The following PCDH9 variants were observed in gnomAD, a reference collection of about 807,000 sequenced individuals.
The protein encoded by PCDH9 is protocadherin 9, also known as protocadherin-9.
Under a neutral mutation model 70.6 loss-of-function variants are expected in PCDH9, and 24 were observed. The observed-to-expected ratio is 0.34, with a 90% CI of 0.25 to 0.48. The LOEUF is 0.48. PCDH9 is among the 20% of genes least tolerant of loss of function. The pLI is 0.99. For synonymous variants in PCDH9, 562 were observed against 558.5 expected (o/e 1.01, Z -0.09); for missense variants, 1,281 against 1,503.6 (o/e 0.85, Z 2.45).
chr13:66,682,532 T>C (rs2078342623), intron 3 of PCDH9, among the ~76,000 whole-genome samples: 2 of 152,214 alleles, frequency 1.3e-5, no homozygotes, highest in Admixed American at 6.6e-5. Context: ...AGTTTCGGAG[T>C]TGAGTCCACC....
At chr13:66,660,994 C>G (rs892133792) in intron 3 of PCDH9, among the ~76,000 whole-genome samples, 1 of 151,862 alleles carries the variant, frequency 6.6e-6, no homozygotes, top group Non-Finnish European at 1.5e-5. Context: ...ATAAGGAATA[C>G]AGAGAGAAAA....
At chr13:66,885,792 T>C (rs2081995156) in intron 3 of PCDH9, among the ~76,000 whole-genome samples, 1 of 152,146 alleles carries the variant, frequency 6.6e-6, no homozygotes, top group Non-Finnish European at 1.5e-5. Flanking sequence ...CCACTGATAG[T>C]AAATGGAGAT....
chr13:67,157,502 A>C (rs575652564), intron 2 of PCDH9, among the ~76,000 whole-genome samples: 1 of 152,318 alleles, frequency 6.6e-6, no homozygotes, highest in East Asian at 1.9e-4. Flanking sequence ...ATTTTCTAAA[A>C]TTCTATGAGA....
chr13:67,181,806 C>G (rs919996005), intron 2 of PCDH9, among the ~76,000 whole-genome samples: 3 of 152,212 alleles, frequency 2.0e-5, no homozygotes, highest in Non-Finnish European at 4.4e-5. Flanking sequence ...TACAACCATT[C>G]TTCTCAAGAT....
chr13:67,111,603 A>G lies in PCDH9; in HGVS notation c.3036+113802T>C, dbSNP rs146088663. On this transcript the variant is annotated intron_variant, in intron 2 of 4. Transcript: ENST00000377865. ...TTCACTGTTACATTACTTATTTTTAATTAACCATTGTAAAATTGACTACTT... is the reference window on the plus strand; with the variant it reads ...TTCACTGTTACATTACTTATTTTTAGTTAACCATTGTAAAATTGACTACTT... Among the ~76,000 whole-genome samples, 1,330 of 152,328 alleles carry G rather than the reference A, an allele frequency of 8.7e-3. 10 individuals are homozygous for G. Among genetic ancestry groups the G allele is most frequent in the Non-Finnish European group, 0.014 (920 of 68,028 alleles).
rs112206837 is a variant in PCDH9, at chr13:66,901,910, T to C, written c.3138+1594A>G. Among the ~76,000 whole-genome samples, 22 of 151,812 alleles carry C rather than the reference T, an allele frequency of 1.4e-4. 2 individuals carry two copies. Among genetic ancestry groups the C allele is most frequent in the African/African-American group, 4.8e-4 (20 of 41,534 alleles). ...CAATAAACACAAACATAAAATGTTA[T>C]AAAAATAAATATAATTCTTAGAAAT... On this transcript the variant is annotated intron_variant, in intron 3 of 4. Coordinates refer to ENST00000377865, the MANE Select transcript of PCDH9 (RefSeq NM_203487.3).
In PCDH9 at chr13:67,226,154, A is replaced by G; in HGVS notation, c.2287T>C (p.Ser763Pro). The stretch of plus-strand genomic sequence containing the variant: ...AATACAAGCACAAGCGTGTGCAAAG[A>G]CTTAGGGTACCCCAGGTCACTTATG... ...VNISDLGYPKSLHTLVLVFLY... is the reference protein window; with the variant it reads ...VNISDLGYPKPLHTLVLVFLY... The change falls in exon 2 of 5, where the codon TCT becomes CCT. Residue 763 changes from serine to proline, a missense_variant. Physicochemically the swap from Ser to Pro is moderately conservative, Grantham distance 74. Transcript: ENST00000377865. This position sits in a 1 kb window ranked among gnomAD's most constrained non-coding sequence, Gnocchi z 5.0. The G allele has an allele frequency of 6.2e-7, 1 of 1,614,138 alleles. No homozygotes were observed. The highest frequency in any genetic ancestry group is 8.5e-7 in the Non-Finnish European group (1 of 1,180,022).
intron 2 of PCDH9, among the ~76,000 whole-genome samples, chr13:67,085,509 T>C (rs1354243367): frequency 1.3e-5 from 2 of 152,182 alleles, no homozygotes; most frequent in African/African-American, 4.8e-5. Context: ...ATAAGTAATG[T>C]TGACAAATAA....
At chr13:66,528,625 T>C (rs1215706850) in intron 4 of PCDH9, among the ~76,000 whole-genome samples, 1 of 152,112 alleles carries the variant, frequency 6.6e-6, no homozygotes, top group Non-Finnish European at 1.5e-5. Flanking sequence ...CGGAGTAACC[T>C]ATCCATGAAC....
At chr13:66,404,372 G>A (rs1369435324) in intron 4 of PCDH9, among the ~76,000 whole-genome samples, 2 of 152,126 alleles carry the variant, frequency 1.3e-5, no homozygotes, top group African/African-American at 4.8e-5. Flanking sequence ...TGAAAATATG[G>A]TTTTATTGCC....
At chr13:66,736,883 A>G (rs780322992) in intron 3 of PCDH9, among the ~76,000 whole-genome samples, 1 of 152,198 alleles carries the variant, frequency 6.6e-6, no homozygotes, top group South Asian at 2.1e-4. Flanking sequence ...TCTATCTTCC[A>G]GAGATCTTTC....
At chr13:66,894,940 T>C (rs1377148040) in intron 3 of PCDH9, among the ~76,000 whole-genome samples, 1 of 151,958 alleles carries the variant, frequency 6.6e-6, no homozygotes, top group Non-Finnish European at 1.5e-5. Flanking sequence ...CCCAAGTAGC[T>C]GGGATTACAG....
intron 4 of PCDH9, among the ~76,000 whole-genome samples, chr13:66,400,069 G>A (rs140092233): frequency 1.3e-5 from 2 of 152,200 alleles, no homozygotes; most frequent in Non-Finnish European, 2.9e-5. Context: ...CTCCATACTC[G>A]CTCACACTCT....
At chr13:66,393,317 G>GA (rs1039592809) in intron 4 of PCDH9, among the ~76,000 whole-genome samples, 4 of 152,088 alleles carry the variant, frequency 2.6e-5, no homozygotes, top group Non-Finnish European at 5.9e-5. Context: ...AGAATAGGTG[G>GA]AAAAAAAGAA....
chr13:66,488,131 T>A (rs961338769), intron 4 of PCDH9, among the ~76,000 whole-genome samples: 2 of 152,134 alleles, frequency 1.3e-5, no homozygotes, highest in Non-Finnish European at 2.9e-5. Context: ...ATTTGTGCTG[T>A]AACAAATTTA....
intron 4 of PCDH9, among the ~76,000 whole-genome samples, chr13:66,513,197 T>TG (rs1447091890): frequency 6.7e-6 from 1 of 149,046 alleles, no homozygotes; most frequent in African/African-American, 2.4e-5. Flanking sequence ...AACACGTGTT[T>TG]TTTTTTTTTT....
intron 2 of PCDH9, among the ~76,000 whole-genome samples, chr13:67,136,235 G>T (rs1293104244): frequency 2.0e-5 from 3 of 152,156 alleles, no homozygotes; most frequent in Admixed American, 6.6e-5. Flanking sequence ...TTGCAGCCTA[G>T]GAGCAACAGG....
intron 4 of PCDH9, among the ~76,000 whole-genome samples, chr13:66,359,326 C>T (rs1001004690): frequency 5.3e-5 from 8 of 151,844 alleles, no homozygotes; most frequent in Non-Finnish European, 8.8e-5. Context: ...TTAGCTATAA[C>T]ATAGTTAAAA....
At chr13:66,735,543 T>A (rs970017828) in intron 3 of PCDH9, among the ~76,000 whole-genome samples, 3 of 152,078 alleles carry the variant, frequency 2.0e-5, no homozygotes, top group Admixed American at 1.3e-4. Context: ...ATTTAGAAAA[T>A]ATGCCAGGTA....
Sources: gnomAD v4.1 joint callset for allele counts (sites outside exome capture counted in the v4.1 genomes callset) on GRCh38, gnomAD v4.1.1 for gene constraint, Gnocchi (gnomAD v3.1) non-coding constraint, MANE v1.5 for transcripts, NCBI Gene and HGNC (gene_info 2026-07-23, HGNC 2026-07-21) for gene names.